The following PDXDC1 variants were observed in gnomAD, a reference collection of about 807,000 sequenced individuals.
PDXDC1 encodes the protein pyridoxal dependent decarboxylase domain containing 1, also known as pyridoxal-dependent decarboxylase domain-containing protein 1.
PDXDC1 carries 42 observed loss-of-function variants against 100.1 expected under a neutral mutation model. The ratio of observed to expected loss-of-function variants is 0.42; its 90% CI spans 0.33 to 0.54. The LOEUF is 0.54. PDXDC1 is among the 20% of genes least tolerant of loss of function. The probability of loss-of-function intolerance (pLI) is 0.10; values close to 1 mark genes in which losing one functional copy is unlikely to be tolerated. For synonymous variants in PDXDC1, 260 were observed against 371.7 expected (o/e 0.70, Z 3.46); for missense variants, 636 against 979.2 (o/e 0.65, Z 4.68).
chr16:15,104,706 G>C (rs555330948), intron 16 of PDXDC1: 1 of 1,597,458 alleles, frequency 6.3e-7, no homozygotes, highest in East Asian at 2.2e-5. Context: ...TGTGAGGTAG[G>C]GCCAGCAGGG....
At chr16:14,980,398 TG>T (rs1421354075) in intron 1 of PDXDC1, among the ~76,000 whole-genome samples, 23 of 152,388 alleles carry the variant, frequency 1.5e-4, no homozygotes, top group Middle Eastern at 3.4e-3. Context: ...CTGCAACCTC[TG>T]CCCCCTGGGT....
chr16:15,077,749 G>A (rs2045523968), intron 16 of PDXDC1, among the ~76,000 whole-genome samples: 1 of 152,224 alleles, frequency 6.6e-6, no homozygotes, highest in Non-Finnish European at 1.5e-5. Context: ...GCTGAGGCAG[G>A]AGAACTGCTT....
chr16:15,039,884 T>G, downstream of PDXDC1: 1 of 766,484 alleles, frequency 1.3e-6, no homozygotes, highest in South Asian at 1.6e-5. Flanking sequence ...CAGCATAAAC[T>G]TTTCTAAGAT....
At chr16:15,135,949 G>A in intron 16 of PDXDC1, 1 of 1,577,478 alleles carries the variant, frequency 6.3e-7, no homozygotes, top group Non-Finnish European at 8.6e-7. Context: ...CGCCGGGCAG[G>A]GCCACACGCG....
At chr16:15,077,763 C>T (rs1013175345) in intron 16 of PDXDC1, among the ~76,000 whole-genome samples, 2 of 152,228 alleles carry the variant, frequency 1.3e-5, no homozygotes, top group Non-Finnish European at 2.9e-5. Flanking sequence ...ACTGCTTGAA[C>T]CCCGGAGGTG....
chr16:14,978,759 T>C (rs1173378035), intron 1 of PDXDC1, among the ~76,000 whole-genome samples: 5 of 152,298 alleles, frequency 3.3e-5, no homozygotes, highest in African/African-American at 1.2e-4. Flanking sequence ...AAGATCTCAT[T>C]CTTCCTGGGT....
intron 16 of PDXDC1, among the ~76,000 whole-genome samples, chr16:15,075,539 C>A (rs1207605834): frequency 6.6e-6 from 1 of 151,906 alleles, no homozygotes; most frequent in Non-Finnish European, 1.5e-5. Context: ...CACTGCCACA[C>A]TCCAGCCTGG....
intron 1 of PDXDC1, among the ~76,000 whole-genome samples, chr16:14,982,919 G>A (rs1463665957): frequency 6.6e-6 from 1 of 152,280 alleles, no homozygotes. Flanking sequence ...ACCTTGTTCA[G>A]AAAGCTGTGG....
chr16:15,075,201 G>A (rs183545936), intron 16 of PDXDC1, among the ~76,000 whole-genome samples: 49 of 149,604 alleles, frequency 3.3e-4, no homozygotes, highest in Non-Finnish European at 5.6e-4. Flanking sequence ...ACAGTGAGCC[G>A]AGTTCGTGTG....
At chr16:15,125,057 C>G (rs1326558990) in intron 16 of PDXDC1, among the ~76,000 whole-genome samples, 46 of 135,296 alleles carry the variant, frequency 3.4e-4, no homozygotes, top group African/African-American at 1.2e-3. Flanking sequence ...TGAGGCAGGA[C>G]AATCCCTTGA....
At chr16:15,055,205 AC>A (rs1230283841) in intron 16 of PDXDC1, among the ~76,000 whole-genome samples, 4 of 151,898 alleles carry the variant, frequency 2.6e-5, no homozygotes, top group Non-Finnish European at 5.9e-5. Context: ...AAACCTGAGA[AC>A]CCCCTTGCCA....
chr16:15,093,740 C>G lies in PDXDC1; in HGVS notation c.1400-45139C>G, dbSNP rs188128411. Reference sequence around the variant, plus strand: ...TGCGAAACAAATACGTGTGTCGAAACAAATTCCAAACAAAAAAGATGTAAT... The same window carrying G: ...TGCGAAACAAATACGTGTGTCGAAAGAAATTCCAAACAAAAAAGATGTAAT... On this transcript the variant is annotated intron_variant, in intron 16 of 16. Transcript: ENST00000535621. Among the ~76,000 whole-genome samples the G allele has an allele frequency of 3.1e-4, 47 of 152,268 alleles. 1 individual carries two copies. Among genetic ancestry groups the G allele is most frequent in the Admixed American group, 7.2e-4 (11 of 15,296 alleles).
At chr16:14,979,569 C>G (rs1967481831) in intron 1 of PDXDC1, among the ~76,000 whole-genome samples, 1 of 152,282 alleles carries the variant, frequency 6.6e-6, no homozygotes, top group South Asian at 2.1e-4. Flanking sequence ...GGGTTACAGG[C>G]ATGAGCTACT....
the PDXDC1 span, among the ~76,000 whole-genome samples, chr16:15,148,879 G>A: frequency 2.0e-5 from 3 of 152,046 alleles, no homozygotes; most frequent in East Asian, 3.9e-4. Flanking sequence ...CACCCCTGCC[G>A]GCAATCGCGT....
At chr16:15,119,408 A>ATTT (rs1203506902) in intron 16 of PDXDC1, among the ~76,000 whole-genome samples, 18 of 139,580 alleles carry the variant, frequency 1.3e-4, no homozygotes, top group South Asian at 2.4e-4. Flanking sequence ...AAAAAAAAAA[A>ATTT]TTTTTTTTGT....
At chr16:15,111,260 C>T (rs1440636757) in intron 16 of PDXDC1, among the ~76,000 whole-genome samples, 2 of 145,376 alleles carry the variant, frequency 1.4e-5, no homozygotes, top group Non-Finnish European at 3.1e-5. Flanking sequence ...AGTTTGAGAC[C>T]AGCCTCACCA....
chr16:14,986,892 G>A (rs552208156), intron 1 of PDXDC1, among the ~76,000 whole-genome samples: 10 of 152,390 alleles, frequency 6.6e-5, no homozygotes, highest in Admixed American at 3.9e-4. Flanking sequence ...GACTACAGGC[G>A]CACACCGCCA....
chr16:15,122,995 C>G lies in PDXDC1; in HGVS notation c.1400-15884C>G, dbSNP rs1404355490. Among the ~76,000 whole-genome samples the G allele has an allele frequency of 2.6e-5, 4 of 151,026 alleles. No homozygotes were observed. In the East Asian group the frequency reaches 7.9e-4, roughly 30 times the overall value. ...TCTCAAGCGCTGGTGGAAGGTTTAG[C>G]TACAGGTCACGGAGAAGATCAGGGA... On this transcript the variant is annotated intron_variant, in intron 16 of 16. Transcript: ENST00000535621.
At chr16:15,082,431 G>A (rs1381944901) in intron 16 of PDXDC1, among the ~76,000 whole-genome samples, 1 of 152,034 alleles carries the variant, frequency 6.6e-6, no homozygotes, top group Non-Finnish European at 1.5e-5. Flanking sequence ...CCAACACTTT[G>A]CGAGGTGGAG....
Sources: gnomAD v4.1 joint callset for allele counts (sites outside exome capture counted in the v4.1 genomes callset) on GRCh38, gnomAD v4.1.1 for gene constraint, MANE v1.5 for transcripts, NCBI Gene and HGNC (gene_info 2026-07-23, HGNC 2026-07-21) for gene names.